The following SPINK9 variants were observed in gnomAD, a reference collection of about 807,000 sequenced individuals.
The protein encoded by SPINK9 is serine protease inhibitor Kazal-type 9.
Under a neutral mutation model 10.8 loss-of-function variants are expected in SPINK9, and 3 were observed. The observed-to-expected ratio is 0.28, with a 90% CI of 0.13 to 0.72. The LOEUF (loss-of-function observed/expected upper bound fraction) is 0.72, where lower values mean the gene tolerates loss of function less well. SPINK9 is among the 30% of genes least tolerant of loss of function. The probability of loss-of-function intolerance (pLI) is 0.74; values close to 1 mark genes in which losing one functional copy is unlikely to be tolerated. For synonymous variants in SPINK9, 30 were observed against 31.2 expected, an observed-to-expected ratio of 0.96 and a Z score of 0.12; for missense variants, 101 against 103.2, an observed-to-expected ratio of 0.98 and a Z score of 0.09.
upstream of SPINK9, among the ~76,000 whole-genome samples, chr5:148,331,295 A>G (rs193048849): frequency 9.2e-4 from 140 of 152,392 alleles, no homozygotes; most frequent in Non-Finnish European, 1.5e-3. Context: ...CAGCCTTAAA[A>G]GAAGGATATT....
At chr5:148,324,433 C>T (rs76289262) in intron 2 of SPINK9, among the ~76,000 whole-genome samples, 2,595 of 152,118 alleles carry the variant, frequency 0.017, 70 homozygotes, top group East Asian at 0.068. Context: ...ACTGCCCTTA[C>T]TCAAGTGATC....
chr5:148,332,845 GTCA>G (rs1188108040), upstream of SPINK9, among the ~76,000 whole-genome samples: 2 of 152,124 alleles, frequency 1.3e-5, no homozygotes, highest in Non-Finnish European at 2.9e-5. Flanking sequence ...GTGAATAAAG[GTCA>G]TCTTCACTCA....
rs1450650040 is a variant in SPINK9 at position 148,335,596 on chromosome 5, C to T, written c.-18C>T. The stretch of plus-strand genomic sequence containing the variant: ...ACTTCTTTTCCCTACATCTGACTGC[C>T]TTGGCCACTTCAGTACTATGAGAGC... On this transcript the variant is annotated 5_prime_UTR_variant, in exon 1 of 4. Transcript: ENST00000377906. 2 of 1,613,168 alleles carry T rather than the reference C, an allele frequency of 1.2e-6. No homozygotes were observed. The highest frequency in any genetic ancestry group is 2.2e-5 in the South Asian group (2 of 91,056).
At chr5:148,327,944 C>A (rs1168922178) in intron 2 of SPINK9, among the ~76,000 whole-genome samples, 4 of 151,460 alleles carry the variant, frequency 2.6e-5, no homozygotes, top group Non-Finnish European at 5.9e-5. Flanking sequence ...TAGCATGATG[C>A]CTCCAGCTTT....
chr5:148,333,454 G>T (rs1581188829), upstream of SPINK9, among the ~76,000 whole-genome samples: 1 of 152,342 alleles, frequency 6.6e-6, no homozygotes, highest in African/African-American at 2.4e-5. Flanking sequence ...CATAGGCAGT[G>T]TGCCCAGAGT....
chr5:148,337,996 G>T (rs1757238944), intron 2 of SPINK9, among the ~76,000 whole-genome samples: 1 of 152,066 alleles, frequency 6.6e-6, no homozygotes, highest in Non-Finnish European at 1.5e-5. Context: ...CAAGTAAATT[G>T]TTACCAATAA....
At chr5:148,326,657 C>G (rs1489872993) in intron 2 of SPINK9, among the ~76,000 whole-genome samples, 1 of 152,080 alleles carries the variant, frequency 6.6e-6, no homozygotes, top group East Asian at 1.9e-4. Context: ...AATGCTATCC[C>G]TCCCCCTGCC....
intron 2 of SPINK9, 83 bp from the exon 3 acceptor site, chr5:148,338,395 C>T: frequency 1.5e-6 from 2 of 1,354,630 alleles, no homozygotes; most frequent in African/African-American, 1.5e-5. Flanking sequence ...ATTGAGAGCC[C>T]TCTGAGCTTG....
intron 2 of SPINK9, among the ~76,000 whole-genome samples, chr5:148,330,129 T>C (rs1025816216): frequency 6.6e-6 from 1 of 152,220 alleles, no homozygotes; most frequent in Non-Finnish European, 1.5e-5. Flanking sequence ...ATTATTATTA[T>C]GTGGGAGTCT....
intron 1 of SPINK9, among the ~76,000 whole-genome samples, chr5:148,323,063 T>C (rs1693756646): frequency 6.6e-6 from 1 of 152,102 alleles, no homozygotes; most frequent in Non-Finnish European, 1.5e-5. Context: ...GATACAATTA[T>C]GGAATACAGA....
chr5:148,323,792 A>G, exon 2 of SPINK9: 1 of 701,092 alleles, frequency 1.4e-6, no homozygotes, highest in Non-Finnish European at 2.6e-6. Flanking sequence ...TTCATTATAA[A>G]ACTCCACCAA....
chr5:148,324,883 G>C (rs773339886), intron 2 of SPINK9, among the ~76,000 whole-genome samples: 1 of 151,898 alleles, frequency 6.6e-6, no homozygotes, highest in Non-Finnish European at 1.5e-5. Context: ...CTAATGCCAG[G>C]ACATTTCATT....
chr5:148,339,117 C>A (rs2113426121), intron 3 of SPINK9, among the ~76,000 whole-genome samples: 1 of 152,126 alleles, frequency 6.6e-6, no homozygotes, highest in African/African-American at 2.4e-5. Flanking sequence ...TATATCTCAA[C>A]AGAATATATG....
intron 1 of SPINK9, 96 bp from the exon 2 acceptor site, chr5:148,336,326 C>A: frequency 1.5e-6 from 2 of 1,296,936 alleles, no homozygotes; most frequent in Non-Finnish European, 2.2e-6. Flanking sequence ...ATTTTTATGA[C>A]AGGCTGAAAG....
At chr5:148,323,801 A>C in exon 2 of SPINK9, 1 of 701,462 alleles carries the variant, frequency 1.4e-6, no homozygotes, top group South Asian at 1.5e-5. Flanking sequence ...AAACTCCACC[A>C]AGCAGCTCAG....
chr5:148,335,779 C>T (rs545862668), intron 1 of SPINK9, 111 bp downstream of exon 1: 1 of 1,301,466 alleles, frequency 7.7e-7, no homozygotes, highest in Middle Eastern at 2.4e-4. Context: ...ATAAGGGAAA[C>T]TTTTTAAAAT....
chr5:148,325,445 C>T lies in SPINK9; in HGVS notation c.118+1577C>T, dbSNP rs566577485. ...ACCTATTCACCAACACGTCACCTGT[C>T]TTTTTTATCTTAACCATCCTAATGG... On this transcript the variant is annotated intron_variant, in intron 2 of 4. Transcript: ENST00000511717. 2.0e-5 allele frequency among the ~76,000 whole-genome samples: 3 copies of T among 152,058 alleles called. No homozygotes were observed. In the East Asian group the frequency reaches 5.8e-4, roughly 29 times the overall value.
chr5:148,328,395 A>T (rs2113414129), intron 2 of SPINK9, among the ~76,000 whole-genome samples: 1 of 152,122 alleles, frequency 6.6e-6, no homozygotes, highest in South Asian at 2.1e-4. Context: ...GCTTAAGGAG[A>T]TTTTGGGCTG....
chr5:148,334,320 T>C (rs1757187852), upstream of SPINK9, among the ~76,000 whole-genome samples: 1 of 152,058 alleles, frequency 6.6e-6, no homozygotes, highest in Admixed American at 6.5e-5. Context: ...CTTTACTAAA[T>C]TGGGAGCTGG....
Sources: gnomAD v4.1 joint callset for allele counts (sites outside exome capture counted in the v4.1 genomes callset) on GRCh38, gnomAD v4.1.1 for gene constraint, MANE v1.5 for transcripts, NCBI Gene and HGNC (gene_info 2026-07-23, HGNC 2026-07-21) for gene names.